GALNT8: variants seen among roughly 807,000 people sequenced by gnomAD.
GALNT8 encodes polypeptide N-acetylgalactosaminyltransferase 8.
Under a neutral mutation model 62.7 loss-of-function variants are expected in GALNT8, and 66 were observed. The ratio of observed to expected loss-of-function variants is 1.05; its 90% CI spans 0.86 to 1.29. The LOEUF is 1.29. Among genes scored for constraint, GALNT8 ranks in the 50% most tolerant of loss-of-function variants. The probability of loss-of-function intolerance (pLI) is 0.00; values close to 1 mark genes in which losing one functional copy is unlikely to be tolerated. For missense variants in GALNT8, 771 were observed against 791.8 expected, an observed-to-expected ratio of 0.97 and a Z score of 0.32; for synonymous variants, 288 against 294.3, an observed-to-expected ratio of 0.98 and a Z score of 0.22.
chr12:4,723,731 T>C (rs1008577206), intron 1 of GALNT8, among the ~76,000 whole-genome samples: 1 of 151,160 alleles, frequency 6.6e-6, no homozygotes, highest in African/African-American at 2.4e-5. Flanking sequence ...TTCTGGGCCC[T>C]GTTTCTAGAT....
At chr12:4,750,667 A>G (rs939956627) in intron 6 of GALNT8, among the ~76,000 whole-genome samples, 1 of 152,120 alleles carries the variant, frequency 6.6e-6, no homozygotes, top group Admixed American at 6.6e-5. Context: ...TGTATGATTT[A>G]TAATCCTTTG....
intron 3 of GALNT8, among the ~76,000 whole-genome samples, chr12:4,740,280 A>T (rs934068345): frequency 7.2e-5 from 11 of 152,202 alleles, no homozygotes; most frequent in Non-Finnish European, 1.0e-4. Flanking sequence ...GTCCTTGGGT[A>T]ACTCAACGTC....
chr12:4,750,480 T>TGG (rs1946317708), intron 6 of GALNT8, among the ~76,000 whole-genome samples: 2 of 152,314 alleles, frequency 1.3e-5, no homozygotes, highest in African/African-American at 4.8e-5. Context: ...TTGCTAAGGA[T>TGG]AATGGCCTCC....
At position 4,733,418 on chromosome 12, in the gene GALNT8, A is replaced by T. The variant is rs189904678; in HGVS notation, c.510-5745A>T. 3.9e-5 allele frequency among the ~76,000 whole-genome samples: 6 copies of T among 152,260 alleles called. No homozygotes were observed. The East Asian group carries it at 1.2e-3, about 29-fold the overall frequency. On this transcript the variant is annotated intron_variant, in intron 2 of 10. Transcript: ENST00000252318. ...GGTGGGTAAGAAAATGTGGGTACGG[A>T]TAAGAGAAGTGTCGTGAAAGCATTT...
chr12:4,728,306 T>C (rs979545116), intron 2 of GALNT8, among the ~76,000 whole-genome samples: 5 of 152,104 alleles, frequency 3.3e-5, no homozygotes, highest in Non-Finnish European at 5.9e-5. Context: ...TTTCTTTCAT[T>C]GTGTAGATTG....
chr12:4,763,758 A>AG (rs1300886730), intron 8 of GALNT8, among the ~76,000 whole-genome samples, 194 bp from the exon 9 acceptor site: 1 of 152,120 alleles, frequency 6.6e-6, no homozygotes, highest in Admixed American at 6.5e-5. Flanking sequence ...TGGGCAGCGC[A>AG]GCAGCGCCTC....
chr12:4,730,790 A>G (rs1169154621), intron 2 of GALNT8, among the ~76,000 whole-genome samples: 1 of 152,094 alleles, frequency 6.6e-6, no homozygotes, highest in Non-Finnish European at 1.5e-5. Flanking sequence ...TTCAATCTGT[A>G]GATCACTATG....
intron 3 of GALNT8, among the ~76,000 whole-genome samples, chr12:4,741,798 G>A (rs1018511079): frequency 2.6e-5 from 4 of 152,136 alleles, no homozygotes; most frequent in Non-Finnish European, 4.4e-5. Context: ...TGAAACCCAC[G>A]TTTGTTTTTC....
In GALNT8 at chr12:4,728,214, A is replaced by AT. The variant is rs35083515; in HGVS notation, c.509+1396dup. Among the ~76,000 whole-genome samples, 6 of 149,882 alleles carry AT rather than the reference A, an allele frequency of 4.0e-5. No individual in the cohort carries two copies. In the South Asian group the frequency reaches 6.3e-4, roughly 16 times the overall value. On this transcript the variant is annotated intron_variant, in intron 2 of 10. Coordinates refer to ENST00000252318, the MANE Select transcript of GALNT8 (RefSeq NM_017417.2). ...CGTTCTTTTAAAAAAAAATTGGCTT[A>AT]TTTTTTTTTTTATTATTGAGTTGCA... is the stretch of plus-strand genomic sequence containing the variant.
At position 4,744,650 on chromosome 12, in the gene GALNT8, A is replaced by G. The variant is rs572529918; in HGVS notation, c.810A>G (p.Thr270=). The part of the protein sequence containing the change: ...QARNTGWEAA[T]ADVVAILDAH... The stretch of plus-strand genomic sequence containing the variant: ...GCAACACTGGCTGGGAAGCTGCCAC[A>G]GCAGACGTGGTCGCCATCTTGGATG... The change falls in exon 4 of 11, where the codon ACA becomes ACG. Residue 270 remains threonine (T), a synonymous_variant. Transcript: ENST00000252318. 3.7e-6 allele frequency: 6 copies of G among 1,613,812 alleles called. No individual in the cohort carries two copies. Among genetic ancestry groups the G allele is most frequent in the Middle Eastern group, 3.3e-4 (2 of 6,056 alleles).
At chr12:4,729,439 C>T (rs1249241444) in intron 2 of GALNT8, among the ~76,000 whole-genome samples, 1 of 152,078 alleles carries the variant, frequency 6.6e-6, no homozygotes, top group Non-Finnish European at 1.5e-5. Context: ...TCGCCCAGCC[C>T]CCACCCTGGC....
intron 6 of GALNT8, among the ~76,000 whole-genome samples, chr12:4,747,383 C>T (rs1358454341): frequency 1.3e-5 from 2 of 152,132 alleles, no homozygotes; most frequent in Non-Finnish European, 2.9e-5. Flanking sequence ...CTACCCTTCC[C>T]GGCCTCTGGT....
rs116228141 is a variant in GALNT8, at chr12:4,758,232, T to G, written c.1174-2726T>G. Among the ~76,000 whole-genome samples, 1,247 of 152,270 alleles carry G rather than the reference T, an allele frequency of 8.2e-3. 14 individuals are homozygous for G. The highest frequency in any genetic ancestry group is 0.028 in the African/African-American group (1,143 of 41,554). Reference sequence around the variant, plus strand: ...AAAACATCTAAGTACTTATTAGGATTTTTCTCCAGTAGCAGATCTTGAACA... The same window carrying G: ...AAAACATCTAAGTACTTATTAGGATGTTTCTCCAGTAGCAGATCTTGAACA... On this transcript the variant is annotated intron_variant, in intron 6 of 10. Transcript: ENST00000252318.
intron 6 of GALNT8, among the ~76,000 whole-genome samples, chr12:4,755,468 G>T (rs1438817303): frequency 1.3e-5 from 2 of 152,326 alleles, no homozygotes; most frequent in Non-Finnish European, 2.9e-5. Context: ...TACTGGGGAT[G>T]GGGGAGGGGT....
intron 6 of GALNT8, among the ~76,000 whole-genome samples, chr12:4,752,433 G>C (rs935013363): frequency 8.9e-5 from 13 of 146,570 alleles, no homozygotes; most frequent in African/African-American, 2.8e-4. Context: ...TATGTTTTTT[G>C]GTTTGGGGTT....
chr12:4,735,665 C>G, intron 2 of GALNT8, among the ~76,000 whole-genome samples: 1 of 152,176 alleles, frequency 6.6e-6, no homozygotes, highest in East Asian at 1.9e-4. Flanking sequence ...CCAGTTGCCC[C>G]TTCTCCAACT....
chr12:4,765,352 CTTTTTTTTTT>C lies in GALNT8; in HGVS notation c.1594-12_1594-3del. 7 of 1,014,376 alleles carry C rather than the reference CTTTTTTTTTT, an allele frequency of 6.9e-6. No individual in the cohort carries two copies. The highest frequency in any genetic ancestry group is 9.1e-6 in the Non-Finnish European group (7 of 771,294). 62.8% of individuals were successfully genotyped at this position (1,014,376 alleles called of 1,614,324 possible). On this transcript the variant is annotated splice_polypyrimidine_tract_variant and intron_variant, in intron 9 of 10. Coordinates refer to ENST00000252318, the MANE Select transcript of GALNT8 (RefSeq NM_017417.2). ...GACAATGCCTATGGTGAGCCCTCTG[CTTTTTTTTTT>C]TTTTTTTTTTTTTTAGAATGTCTAC...
In GALNT8 at chr12:4,772,454, G is replaced by T. The variant is rs1419916941; in HGVS notation, c.1771G>T (p.Val591Phe). Residue 591 changes from valine to phenylalanine, a missense_variant, in exon 11 of 11, where the codon GTC (valine) becomes TTC (phenylalanine). By Grantham distance (50) the Val-to-Phe change is conservative. Transcript: ENST00000252318. Reference protein sequence around the residue: ...IYWDFKPGGAVINRDTKRCLE... With the variant: ...IYWDFKPGGAFINRDTKRCLE... Reference sequence around the variant, plus strand: ...CTCTCTTCCCCTCCAGGGAGGAGCTGTCATAAACAGAGATACCAAGCGGTG... The same window carrying T: ...CTCTCTTCCCCTCCAGGGAGGAGCTTTCATAAACAGAGATACCAAGCGGTG... 6.2e-7 allele frequency: 1 copy of T among 1,613,710 alleles called. No individual in the cohort carries two copies. Among genetic ancestry groups the T allele is most frequent in the East Asian group, 2.2e-5 (1 of 44,862 alleles).
intron 1 of GALNT8, among the ~76,000 whole-genome samples, chr12:4,723,006 A>G (rs912109429): frequency 6.6e-6 from 1 of 152,030 alleles, no homozygotes; most frequent in Non-Finnish European, 1.5e-5. Flanking sequence ...GTGATGGGAG[A>G]GAAGGAGAGA....
Sources: allele counts gnomAD v4.1 joint callset (sites outside exome capture counted in the v4.1 genomes callset), GRCh38; gene constraint gnomAD v4.1.1; transcripts MANE v1.5; gene names NCBI Gene and HGNC (gene_info 2026-07-23, HGNC 2026-07-21).